The following NFIA variants were observed in gnomAD, a reference collection of about 807,000 sequenced individuals.
NFIA encodes the protein nuclear factor 1 A-type.
NFIA carries 8 observed loss-of-function variants against 62.8 expected under a neutral mutation model. The ratio of observed to expected loss-of-function variants is 0.13; its 90% CI spans 0.07 to 0.23. The LOEUF (loss-of-function observed/expected upper bound fraction) is 0.23. Among genes scored for constraint, NFIA ranks in the 10% least tolerant of loss-of-function variants. The pLI is 1.00. For synonymous variants in NFIA, 235 were observed against 238.1 expected (o/e 0.99, Z 0.12); for missense variants, 410 against 642.1 (o/e 0.64, Z 3.91).
intron 2 of NFIA, among the ~76,000 whole-genome samples, chr1:61,160,096 G>A (rs566160946): frequency 6.6e-6 from 1 of 152,180 alleles, no homozygotes; most frequent in Non-Finnish European, 1.5e-5. Context: ...TTCTTTAATA[G>A]GAGGGGCCTG....
intron 2 of NFIA, among the ~76,000 whole-genome samples, chr1:61,252,052 G>A (rs934182511): frequency 6.6e-6 from 1 of 152,074 alleles, no homozygotes; most frequent in Admixed American, 6.5e-5. Flanking sequence ...AGAATGCTGG[G>A]AAAGATGTCT....
chr1:61,097,307 A>T (rs1319216650), intron 2 of NFIA, among the ~76,000 whole-genome samples: 3 of 152,172 alleles, frequency 2.0e-5, no homozygotes, highest in Non-Finnish European at 2.9e-5. Flanking sequence ...ATTCATATAA[A>T]TTTTTAAATG....
chr1:61,396,796 T>C (rs1025658182), intron 7 of NFIA, among the ~76,000 whole-genome samples: 4 of 151,804 alleles, frequency 2.6e-5, no homozygotes, highest in Non-Finnish European at 5.9e-5. Flanking sequence ...GCTCAGGAGT[T>C]CAAGACCACG....
At chr1:61,441,864 A>T (rs2100575589) in intron 10 of NFIA, among the ~76,000 whole-genome samples, 1 of 152,030 alleles carries the variant, frequency 6.6e-6, no homozygotes, top group Non-Finnish European at 1.5e-5. Flanking sequence ...AAGTCTGAAG[A>T]TGTACCAAAC....
In NFIA at chr1:61,264,653, C is replaced by CAAA. The variant is rs1165980251; in HGVS notation, c.560-12842_560-12840dup. On this transcript the variant is annotated intron_variant, in intron 2 of 10. Coordinates refer to ENST00000403491, the MANE Select transcript of NFIA (RefSeq NM_001134673.4). Reference sequence around the variant, plus strand: ...GCGATAAGAGCAAAACTCCACCTTACAAAAAAAAAAAAAAAAAAAAAAAAA... The same window carrying CAAA: ...GCGATAAGAGCAAAACTCCACCTTACAAAAAAAAAAAAAAAAAAAAAAAAAAAA... Among the ~76,000 whole-genome samples, 13 of 60,750 alleles carry CAAA rather than the reference C, an allele frequency of 2.1e-4. 1 individual carries two copies. The highest frequency in any genetic ancestry group is 3.4e-4 in the Non-Finnish European group (10 of 29,766). 39.9% of individuals were successfully genotyped at this position (60,750 alleles called of 152,430 possible).
chr1:61,390,004 G>C (rs931946950), intron 7 of NFIA, among the ~76,000 whole-genome samples: 1 of 152,170 alleles, frequency 6.6e-6, no homozygotes, highest in South Asian at 2.1e-4. Flanking sequence ...GTGAACAAGA[G>C]AAGCATGGAT....
chr1:61,138,689 C>T (rs185299996), intron 2 of NFIA, among the ~76,000 whole-genome samples: 2 of 152,004 alleles, frequency 1.3e-5, no homozygotes, highest in Non-Finnish European at 2.9e-5. Flanking sequence ...CCAGAAATCT[C>T]CCTCCTCAGC....
intron 2 of NFIA, among the ~76,000 whole-genome samples, chr1:61,201,922 T>G (rs1652528212): frequency 6.6e-6 from 1 of 152,050 alleles, no homozygotes; most frequent in South Asian, 2.1e-4. Flanking sequence ...ATGATTTTAT[T>G]GAACAACTAT....
At chr1:61,188,146 C>A (rs539600352) in intron 2 of NFIA, among the ~76,000 whole-genome samples, 68 of 152,156 alleles carry the variant, frequency 4.5e-4, no homozygotes, top group African/African-American at 1.5e-3. Flanking sequence ...CTCCCGGGTT[C>A]AAGTGATTCT....
At chr1:61,120,629 C>T (rs1440587184) in intron 2 of NFIA, among the ~76,000 whole-genome samples, 1 of 152,136 alleles carries the variant, frequency 6.6e-6, no homozygotes, top group African/African-American at 2.4e-5. Context: ...GGTCCCATCT[C>T]AAAAGACATT....
chr1:61,203,347 G>A (rs1335128496), intron 2 of NFIA, among the ~76,000 whole-genome samples: 1 of 152,156 alleles, frequency 6.6e-6, no homozygotes, highest in East Asian at 1.9e-4. Context: ...AGCGCTTCAA[G>A]TGCTCTAGTG....
Position 61,462,734 on chromosome 1 carries a change from A to C in NFIA, c.*7414A>C, listed in dbSNP as rs1221863203. On this transcript the variant is annotated 3_prime_UTR_variant, in exon 11 of 11. Coordinates refer to ENST00000403491, the MANE Select transcript of NFIA (RefSeq NM_001134673.4). ...ACATTACAATACAATTACTGGAAGC[A>C]AGTACTGCATTTCCTATGCAACAAA... The C allele has an allele frequency of 6.6e-6, 1 of 152,242 alleles. No individual in the cohort carries two copies. Among genetic ancestry groups the C allele is most frequent in the African/African-American group, 2.4e-5 (1 of 41,450 alleles). 9.4% of individuals were successfully genotyped at this position (152,242 alleles called of 1,614,324 possible).
chr1:61,198,464 T>C (rs1260302005), intron 2 of NFIA, among the ~76,000 whole-genome samples: 1 of 152,156 alleles, frequency 6.6e-6, no homozygotes, highest in Admixed American at 6.5e-5. Context: ...GCAAGGGTGA[T>C]TTAGTGTGAA....
At chr1:61,387,466 T>TTCTG in intron 7 of NFIA, among the ~76,000 whole-genome samples, 1 of 111,568 alleles carries the variant, frequency 9.0e-6, no homozygotes, top group African/African-American at 3.6e-5. Flanking sequence ...CTCAAGCACT[T>TTCTG]TCTTTTTTTT....
rs146012018 is a variant in NFIA at position 61,406,720 on chromosome 1, G to C, written c.1413G>C (p.Thr471=). ...CAGAAGGAGGTGCAGCCTCCCCCAC[G>C]TCACCAAGTAAGTATGGCTGCGACA... ...TSTEGGAASP[T]SPTYSTPSTS... The change falls in exon 9 of 11, where the codon ACG becomes ACC. Residue 471 remains threonine (T), a synonymous_variant. Coordinates refer to ENST00000403491, the MANE Select transcript of NFIA (RefSeq NM_001134673.4). 6.2e-7 allele frequency: 1 copy of C among 1,607,770 alleles called. No individual in the cohort carries two copies. The highest frequency in any genetic ancestry group is 8.5e-7 in the Non-Finnish European group (1 of 1,177,108).
intron 2 of NFIA, among the ~76,000 whole-genome samples, chr1:61,273,696 T>G (rs966573582): frequency 6.6e-6 from 1 of 152,184 alleles, no homozygotes; most frequent in Non-Finnish European, 1.5e-5. Context: ...CTCCTTTCTT[T>G]AGAAGCTGAC....
chr1:61,235,509 T>TAA, intron 2 of NFIA, among the ~76,000 whole-genome samples: 1 of 122,826 alleles, frequency 8.1e-6, no homozygotes, highest in Non-Finnish European at 1.7e-5. Context: ...TAAATAAAAA[T>TAA]AAAAAATAAA....
intron 2 of NFIA, among the ~76,000 whole-genome samples, chr1:61,154,573 C>A (rs2100526432): frequency 6.6e-6 from 1 of 152,306 alleles, no homozygotes; most frequent in African/African-American, 2.4e-5. Flanking sequence ...ACCTCAGCCT[C>A]CTGAGTAACT....
chr1:61,421,154 T>C (rs1454236195), intron 9 of NFIA, among the ~76,000 whole-genome samples: 1 of 152,152 alleles, frequency 6.6e-6, no homozygotes, highest in Non-Finnish European at 1.5e-5. Context: ...CCAGTGTCAC[T>C]TTTCTGTCCT....
Sources: gnomAD v4.1 joint callset for allele counts (sites outside exome capture counted in the v4.1 genomes callset) on GRCh38, gnomAD v4.1.1 for gene constraint, MANE v1.5 for transcripts, NCBI Gene and HGNC (gene_info 2026-07-23, HGNC 2026-07-21) for gene names.